Variants in PLCB4 observed in about 807,000 individuals in gnomAD.
PLCB4 encodes 1-phosphatidylinositol 4,5-bisphosphate phosphodiesterase beta-4.
A neutral mutation model predicts 178.8 loss-of-function variants in PLCB4; 77 were observed. The observed-to-expected ratio is 0.43, with a 90% CI of 0.36 to 0.52. PLCB4 has a LOEUF of 0.52. Ranked by LOEUF, PLCB4 falls within the 20% of genes least tolerant of loss-of-function variation. PLCB4 has a pLI of 0.00. For synonymous variants in PLCB4, 496 were observed against 490.8 expected (o/e 1.01, Z -0.14); for missense variants, 1,024 against 1,453.4 (o/e 0.70, Z 4.80).
intron 2 of PLCB4, among the ~76,000 whole-genome samples, chr20:9,180,387 G>A (rs988415759): frequency 6.6e-6 from 1 of 152,064 alleles, no homozygotes; most frequent in Admixed American, 6.6e-5. Context: ...TCTTGATGGG[G>A]GATTTTTCCA....
At chr20:9,134,122 G>A (rs2092334278) in intron 2 of PLCB4, among the ~76,000 whole-genome samples, 1 of 152,134 alleles carries the variant, frequency 6.6e-6, no homozygotes, top group Non-Finnish European at 1.5e-5. Flanking sequence ...GTATCATCTG[G>A]GTTCCTCAAA....
intron 3 of PLCB4, among the ~76,000 whole-genome samples, chr20:9,264,789 C>G (rs1255183047): frequency 6.6e-6 from 1 of 152,160 alleles, no homozygotes; most frequent in East Asian, 1.9e-4. Flanking sequence ...GACCCATCTC[C>G]AGAGAGTCCA....
intron 20 of PLCB4, among the ~76,000 whole-genome samples, chr20:9,402,622 G>T (rs976233622): frequency 6.6e-6 from 1 of 152,318 alleles, no homozygotes; most frequent in Middle Eastern, 3.4e-3. Context: ...AGTGAGGACA[G>T]GCTGCTGCTC....
At chr20:9,188,095 A>G (rs1367518127) in intron 2 of PLCB4, among the ~76,000 whole-genome samples, 2 of 152,234 alleles carry the variant, frequency 1.3e-5, no homozygotes, top group African/African-American at 4.8e-5. Context: ...GATCAGACAC[A>G]AGTCCCTGCT....
At chr20:9,237,054 C>T (rs913960381) in intron 3 of PLCB4, among the ~76,000 whole-genome samples, 1 of 152,024 alleles carries the variant, frequency 6.6e-6, no homozygotes, top group Non-Finnish European at 1.5e-5. Context: ...GACATTCTCC[C>T]ACAGGTCTTA....
At chr20:9,105,655 C>T (rs2091335157) in intron 2 of PLCB4, among the ~76,000 whole-genome samples, 1 of 152,116 alleles carries the variant, frequency 6.6e-6, no homozygotes, top group South Asian at 2.1e-4. Flanking sequence ...GTTTTACATA[C>T]ACATGTATGG....
intron 1 of PLCB4, among the ~76,000 whole-genome samples, chr20:9,089,227 T>C (rs907635956): frequency 6.6e-6 from 1 of 152,096 alleles, no homozygotes; most frequent in Non-Finnish European, 1.5e-5. Flanking sequence ...AAGTTATAAA[T>C]TTAATTTTGA....
At chr20:9,173,670 G>A (rs1002154310) in intron 2 of PLCB4, among the ~76,000 whole-genome samples, 46 of 152,262 alleles carry the variant, frequency 3.0e-4, no homozygotes, top group African/African-American at 1.1e-3. Context: ...ATTGTCACAT[G>A]TCTTTCTTTG....
At chr20:9,301,100 G>A (rs2094697392) in intron 3 of PLCB4, among the ~76,000 whole-genome samples, 1 of 151,166 alleles carries the variant, frequency 6.6e-6, no homozygotes, top group Admixed American at 6.6e-5. Flanking sequence ...TTCTGCTTGT[G>A]TCAAAACTTC....
chr20:9,420,012 C>A, intron 26 of PLCB4, 103 bp downstream of exon 26: 1 of 658,064 alleles, frequency 1.5e-6, no homozygotes. Flanking sequence ...CCATGTGCTG[C>A]TCACAACTTT....
At chr20:9,318,483 A>G (rs1334611012) in intron 4 of PLCB4, among the ~76,000 whole-genome samples, 1 of 152,202 alleles carries the variant, frequency 6.6e-6, no homozygotes. Context: ...TACAATGGCA[A>G]TGTTATTTGC....
chr20:9,085,790 C>T (rs760773568), intron 1 of PLCB4, among the ~76,000 whole-genome samples: 17 of 152,082 alleles, frequency 1.1e-4, no homozygotes, highest in East Asian at 3.9e-4. Flanking sequence ...TCCTCAATTA[C>T]GTAATAAAAA....
chr20:9,230,404 C>T (rs1407656732), intron 3 of PLCB4, among the ~76,000 whole-genome samples: 1 of 151,960 alleles, frequency 6.6e-6, no homozygotes, highest in African/African-American at 2.4e-5. Context: ...AAAGCAGGAA[C>T]TAAGAACCAG....
chr20:9,406,491 ATTTT>A (rs113287972), intron 21 of PLCB4, among the ~76,000 whole-genome samples: 1 of 142,690 alleles, frequency 7.0e-6, no homozygotes. Context: ...CAAATTGACC[ATTTT>A]TTTTTTTTTT....
In PLCB4 at chr20:9,478,858, G is replaced by C. The variant is rs1165108238; in HGVS notation, c.3533-63G>C. 1.7e-5 allele frequency: 20 copies of C among 1,182,618 alleles called. No individual in the cohort carries two copies. The South Asian group carries it at 2.2e-4, about 13-fold the overall frequency. 73.3% of individuals were successfully genotyped at this position (1,182,618 alleles called of 1,614,324 possible). ...ATATTTATGGGAGAAGAGAGGCCAGGGTTGTTAAGTGCCTTCAGATAAGGA... is the reference window on the plus strand; with the variant it reads ...ATATTTATGGGAGAAGAGAGGCCAGCGTTGTTAAGTGCCTTCAGATAAGGA... On this transcript the variant is annotated intron_variant, in intron 39 of 39. Transcript: ENST00000378473.
intron 7 of PLCB4, among the ~76,000 whole-genome samples, chr20:9,355,852 G>C (rs532944108): frequency 6.6e-6 from 1 of 152,234 alleles, no homozygotes; most frequent in African/African-American, 2.4e-5. Context: ...TCTAGTTCTA[G>C]ATCCCTGAGG....
intron 3 of PLCB4, among the ~76,000 whole-genome samples, chr20:9,227,189 A>G (rs1016219036): frequency 2.9e-5 from 4 of 138,574 alleles, no homozygotes; most frequent in African/African-American, 1.2e-4. Flanking sequence ...TTTTTTTTTT[A>G]TATGTACTGG....
intron 30 of PLCB4, among the ~76,000 whole-genome samples, chr20:9,442,234 C>G (rs2042150609): frequency 6.6e-6 from 1 of 152,210 alleles, no homozygotes; most frequent in Non-Finnish European, 1.5e-5. Context: ...ACACTAGCCA[C>G]ATTTCAGGTG....
At chr20:9,122,979 TAA>T (rs2092007698) in intron 2 of PLCB4, among the ~76,000 whole-genome samples, 1 of 152,206 alleles carries the variant, frequency 6.6e-6, no homozygotes, top group Non-Finnish European at 1.5e-5. Context: ...ATTAAAAACA[TAA>T]GAAACAGTAA....
Sources: gnomAD v4.1 joint callset for allele counts (sites outside exome capture counted in the v4.1 genomes callset) on GRCh38, gnomAD v4.1.1 for gene constraint, MANE v1.5 for transcripts, NCBI Gene and HGNC (gene_info 2026-07-23, HGNC 2026-07-21) for gene names.